Variants in AGBL4 observed in about 807,000 individuals in gnomAD.
AGBL4 encodes the protein AGBL carboxypeptidase 4.
A neutral mutation model predicts 66.4 loss-of-function variants in AGBL4; 58 were observed. That is an observed-to-expected ratio of 0.87 (90% CI 0.71 to 1.09). AGBL4 has a LOEUF of 1.09. Ranked by LOEUF, AGBL4 falls within the 50% of genes least tolerant of loss-of-function variation. The pLI is 0.00. For missense variants in AGBL4, 579 were observed against 631.0 expected (o/e 0.92, Z 0.88); for synonymous variants, 234 against 222.9 (o/e 1.05, Z -0.44).
At chr1:49,053,970 A>G (rs576337599) in intron 4 of AGBL4, among the ~76,000 whole-genome samples, 1 of 152,258 alleles carries the variant, frequency 6.6e-6, no homozygotes, top group African/African-American at 2.4e-5. Context: ...TTATGCCAAA[A>G]TACTACAATT....
At chr1:49,951,065 C>T (rs1043027819) in intron 1 of AGBL4, among the ~76,000 whole-genome samples, 1 of 151,302 alleles carries the variant, frequency 6.6e-6, no homozygotes, top group Non-Finnish European at 1.5e-5. Flanking sequence ...TAGGTGGTTG[C>T]CAGGGGATGG....
chr1:49,421,841 C>T (rs889411391), intron 3 of AGBL4, among the ~76,000 whole-genome samples: 63 of 152,194 alleles, frequency 4.1e-4, no homozygotes, highest in African/African-American at 1.5e-3. Context: ...ACTATTGGTC[C>T]TATTTTAACT....
At chr1:48,912,227 T>C (rs1225642555) in intron 5 of AGBL4, among the ~76,000 whole-genome samples, 1 of 120,810 alleles carries the variant, frequency 8.3e-6, no homozygotes, top group African/African-American at 4.2e-5. Context: ...ATTTATCCTG[T>C]ATAGCATCGG....
At chr1:49,983,473 T>C (rs995233160) in intron 1 of AGBL4, among the ~76,000 whole-genome samples, 1 of 152,232 alleles carries the variant, frequency 6.6e-6, no homozygotes, top group African/African-American at 2.4e-5. Context: ...CTCGCTGCTC[T>C]ACTCACCTTT....
chr1:49,728,323 C>CAT (rs1477671796), intron 2 of AGBL4, among the ~76,000 whole-genome samples: 1 of 152,214 alleles, frequency 6.6e-6, no homozygotes, highest in African/African-American at 2.4e-5. Context: ...TCTTAAACTA[C>CAT]ACACTGTGTT....
rs559901899 is a variant in AGBL4 at position 49,880,385 on chromosome 1, G to A, written c.35-28867C>T. Among the ~76,000 whole-genome samples, 12 of 152,142 alleles carry A rather than the reference G, an allele frequency of 7.9e-5. No homozygotes were observed. In the East Asian group the frequency reaches 2.3e-3, roughly 30 times the overall value. On this transcript the variant is annotated intron_variant, in intron 1 of 13. Coordinates refer to ENST00000371839, the MANE Select transcript of AGBL4 (RefSeq NM_032785.4). ...TGTTAGTTTTCCTTCTAACAGACAG[G>A]ACCCTCAGCTGCAGGTCTGTTGGAA...
intron 3 of AGBL4, among the ~76,000 whole-genome samples, chr1:49,393,217 T>C (rs771821084): frequency 5.3e-5 from 8 of 152,180 alleles, no homozygotes; most frequent in Non-Finnish European, 1.2e-4. Flanking sequence ...TTAGTAGTGG[T>C]ACTAGTAGTA....
At chr1:49,073,779 G>A (rs1644656511) in intron 4 of AGBL4, among the ~76,000 whole-genome samples, 3 of 152,322 alleles carry the variant, frequency 2.0e-5, no homozygotes, top group African/African-American at 7.2e-5. Flanking sequence ...CTTGAACACT[G>A]TGCTGAGATA....
chr1:49,391,396 A>C (rs1644841915), intron 3 of AGBL4, among the ~76,000 whole-genome samples: 1 of 152,224 alleles, frequency 6.6e-6, no homozygotes, highest in South Asian at 2.1e-4. Context: ...TAGAGAAACC[A>C]GTCAGAATGT....
intron 3 of AGBL4, among the ~76,000 whole-genome samples, chr1:49,565,343 A>G (rs951307645): frequency 6.6e-6 from 1 of 152,182 alleles, no homozygotes; most frequent in Non-Finnish European, 1.5e-5. Context: ...TGATCCTGTC[A>G]TTATGATGTT....
At chr1:49,586,647 AGACT>A (rs528902542) in intron 3 of AGBL4, among the ~76,000 whole-genome samples, 35 of 131,158 alleles carry the variant, frequency 2.7e-4, no homozygotes, top group South Asian at 7.5e-4. Context: ...AATCGTTTAG[AGACT>A]GACTGACTGA....
intron 4 of AGBL4, among the ~76,000 whole-genome samples, chr1:49,222,379 T>C (rs1252395249): frequency 6.6e-6 from 1 of 151,766 alleles, no homozygotes; most frequent in African/African-American, 2.4e-5. Context: ...CAGAAGATAT[T>C]CTTAGGTCAT....
chr1:49,207,513 TTC>T (rs1648271858), intron 4 of AGBL4, among the ~76,000 whole-genome samples: 3 of 151,530 alleles, frequency 2.0e-5, no homozygotes, highest in Non-Finnish European at 4.4e-5. Context: ...TTCTTTTTCT[TTC>T]TTTCTTTCTC....
intron 1 of AGBL4, among the ~76,000 whole-genome samples, chr1:49,857,604 A>G (rs1646466607): frequency 1.3e-5 from 2 of 152,118 alleles, no homozygotes; most frequent in Admixed American, 1.3e-4. Context: ...TAACAAATGC[A>G]CAGAGAGAAC....
intron 2 of AGBL4, chr1:49,844,995 C>T (rs1646099236): frequency 7.0e-7 from 1 of 1,423,410 alleles, no homozygotes; most frequent in Admixed American, 1.9e-5. Flanking sequence ...AACAAGGCCC[C>T]CACACGTGGG....
chr1:49,479,804 C>G (rs1258169138), intron 3 of AGBL4, among the ~76,000 whole-genome samples: 1 of 151,290 alleles, frequency 6.6e-6, no homozygotes, highest in African/African-American at 2.4e-5. Context: ...CGGGTTCACA[C>G]CATTCTCCTG....
At chr1:49,166,534 T>G (rs771089544) in intron 4 of AGBL4, among the ~76,000 whole-genome samples, 11 of 152,178 alleles carry the variant, frequency 7.2e-5, no homozygotes, top group Non-Finnish European at 1.0e-4. Flanking sequence ...ATATAATTTA[T>G]CTTTGTAGAA....
chr1:49,704,190 C>T (rs1647157428), intron 2 of AGBL4, among the ~76,000 whole-genome samples: 1 of 151,894 alleles, frequency 6.6e-6, no homozygotes, highest in East Asian at 1.9e-4. Context: ...ACATTGTACG[C>T]AAAAATGTAA....
At position 49,373,684 on chromosome 1, in the gene AGBL4, A is replaced by G. The variant is rs574631869; in HGVS notation, c.283-127820T>C. 2.0e-3 allele frequency among the ~76,000 whole-genome samples: 307 copies of G among 152,268 alleles called. 4 individuals are homozygous for G. Among genetic ancestry groups the G allele is most frequent in the African/African-American group, 6.9e-3 (285 of 41,572 alleles). Reference sequence around the variant, plus strand: ...TGAGATTTGGAAAAGTTATATAATTATTCAAAGTTCTCAGGAAGAGAAACA... The same window carrying G: ...TGAGATTTGGAAAAGTTATATAATTGTTCAAAGTTCTCAGGAAGAGAAACA... On this transcript the variant is annotated intron_variant, in intron 3 of 13. Transcript: ENST00000371839.
Sources: gnomAD v4.1 joint callset for allele counts (sites outside exome capture counted in the v4.1 genomes callset) on GRCh38, gnomAD v4.1.1 for gene constraint, MANE v1.5 for transcripts, NCBI Gene and HGNC (gene_info 2026-07-23, HGNC 2026-07-21) for gene names.